RIMS2: variants seen among roughly 807,000 people sequenced by gnomAD.
RIMS2 encodes the protein regulating synaptic membrane exocytosis protein 2.
RIMS2 carries 59 observed loss-of-function variants against 174.4 expected under a neutral mutation model. The observed-to-expected ratio is 0.34, with a 90% CI of 0.27 to 0.42. The LOEUF (loss-of-function observed/expected upper bound fraction) is 0.42. Ranked by LOEUF, RIMS2 falls within the 10% of genes least tolerant of loss-of-function variation. The pLI is 1.00. For synonymous variants in RIMS2, 606 were observed against 572.5 expected (o/e 1.06, Z -0.84); for missense variants, 1,620 against 1,666.3 (o/e 0.97, Z 0.48).
chr8:103,500,658 G>C (rs940137416), upstream of RIMS2: 11 of 487,712 alleles, frequency 2.3e-5, no homozygotes, highest in Non-Finnish European at 3.6e-5. Context: ...TCGCCCCCGG[G>C]AAGAAGAAAC....
intron 3 of RIMS2, among the ~76,000 whole-genome samples, chr8:103,789,142 C>T (rs1313747638): frequency 3.9e-5 from 6 of 152,102 alleles, no homozygotes; most frequent in African/African-American, 4.8e-5. Flanking sequence ...GTGCACGGTG[C>T]GCGCACCCAC....
At chr8:103,959,428 A>AT (rs1230384970) in intron 14 of RIMS2, among the ~76,000 whole-genome samples, 3,921 of 147,074 alleles carry the variant, frequency 0.027, 140 homozygotes, top group African/African-American at 0.088. Flanking sequence ...TAAAAAAGTA[A>AT]TTTTTTTTTT....
chr8:103,651,237 C>T (rs181723906), intron 1 of RIMS2, among the ~76,000 whole-genome samples: 8 of 152,326 alleles, frequency 5.3e-5, no homozygotes, highest in African/African-American at 1.4e-4. Context: ...GGTGGGCTAT[C>T]GCCCTACCCT....
intron 2 of RIMS2, among the ~76,000 whole-genome samples, chr8:103,713,685 C>T (rs540309656): frequency 4.6e-5 from 7 of 152,274 alleles, no homozygotes; most frequent in Admixed American, 1.3e-4. Flanking sequence ...CCTTCAAATA[C>T]TGCTATAGTG....
intron 1 of RIMS2, among the ~76,000 whole-genome samples, chr8:103,613,086 G>T (rs947851066): frequency 6.6e-6 from 1 of 152,174 alleles, no homozygotes; most frequent in African/African-American, 2.4e-5. Flanking sequence ...TCTACAATTA[G>T]CAGATGGTAA....
At chr8:104,079,667 CAGAT>C (rs2097373345) in intron 19 of RIMS2, among the ~76,000 whole-genome samples, 1 of 105,136 alleles carries the variant, frequency 9.5e-6, no homozygotes, top group Non-Finnish European at 1.9e-5. Context: ...TGGAAAACAA[CAGAT>C]AGGTGAAAAC....
intron 2 of RIMS2, among the ~76,000 whole-genome samples, chr8:103,748,052 G>A (rs966270767): frequency 5.9e-5 from 9 of 152,072 alleles, no homozygotes; most frequent in Non-Finnish European, 1.3e-4. Flanking sequence ...AGCACATTTC[G>A]CAAAGGGAAG....
At position 104,189,332 on chromosome 8, in the gene RIMS2, T is replaced by C. The variant is rs563827168; in HGVS notation, c.3335-55584T>C. ...TCCACCACCTACAAACACAGGTCTC[T>C]GATAGAGAATAAATCATTAGCCCTT... On this transcript the variant is annotated intron_variant, in intron 19 of 23. Coordinates refer to ENST00000504942, the Ensembl canonical transcript of RIMS2. Among the ~76,000 whole-genome samples the C allele has an allele frequency of 2.8e-4, 42 of 152,010 alleles. No individual in the cohort carries two copies. The South Asian group carries it at 8.7e-3, about 31-fold the overall frequency.
intron 2 of RIMS2, among the ~76,000 whole-genome samples, chr8:103,710,267 A>G (rs1454935863): frequency 1.3e-5 from 2 of 152,182 alleles, no homozygotes; most frequent in Non-Finnish European, 2.9e-5. Context: ...TTCTCTTAGT[A>G]ATCTTTTAAG....
At chr8:103,567,844 T>C (rs1327690174) in intron 1 of RIMS2, among the ~76,000 whole-genome samples, 1 of 152,260 alleles carries the variant, frequency 6.6e-6, no homozygotes, top group Non-Finnish European at 1.5e-5. Flanking sequence ...TTTTTGGTTG[T>C]TTCCATCCTG....
At chr8:104,125,059 T>C (rs561333460) in intron 19 of RIMS2, among the ~76,000 whole-genome samples, 10 of 152,088 alleles carry the variant, frequency 6.6e-5, no homozygotes, top group African/African-American at 2.2e-4. Context: ...GAAAAGAGAA[T>C]CAGCGGTAGA....
At chr8:103,696,616 T>C (rs1352191963) in intron 1 of RIMS2, among the ~76,000 whole-genome samples, 1 of 151,976 alleles carries the variant, frequency 6.6e-6, no homozygotes, top group Non-Finnish European at 1.5e-5. Context: ...TCTGTAATCA[T>C]AGCACTTCAG....
chr8:103,836,491 T>G (rs1480073378), intron 3 of RIMS2, among the ~76,000 whole-genome samples: 4 of 151,982 alleles, frequency 2.6e-5, no homozygotes, highest in Non-Finnish European at 5.9e-5. Context: ...AGCCCAAGAG[T>G]TGAACGCTGC....
chr8:103,957,548 G>C (rs919242500), intron 14 of RIMS2, among the ~76,000 whole-genome samples: 2 of 152,146 alleles, frequency 1.3e-5, no homozygotes, highest in African/African-American at 4.8e-5. Flanking sequence ...ATAACTGGGA[G>C]TTAAACATTG....
At chr8:103,763,073 A>T (rs1247566218) in intron 2 of RIMS2, among the ~76,000 whole-genome samples, 2 of 152,168 alleles carry the variant, frequency 1.3e-5, no homozygotes, top group Non-Finnish European at 2.9e-5. Context: ...AGGATTAATA[A>T]ACTATTAATC....
At chr8:104,145,768 C>T (rs1441469704) in intron 19 of RIMS2, among the ~76,000 whole-genome samples, 1 of 151,796 alleles carries the variant, frequency 6.6e-6, no homozygotes, top group African/African-American at 2.4e-5. Context: ...GAGGCTGCGA[C>T]AGGAGAATCA....
chr8:103,593,699 A>G (rs2094362121), intron 1 of RIMS2, among the ~76,000 whole-genome samples: 3 of 151,450 alleles, frequency 2.0e-5, no homozygotes. Flanking sequence ...AAATAATATT[A>G]TTTTCTCAGT....
At chr8:103,837,930 C>A (rs183129808) in intron 3 of RIMS2, among the ~76,000 whole-genome samples, 1 of 144,354 alleles carries the variant, frequency 6.9e-6, no homozygotes, top group African/African-American at 2.6e-5. Context: ...TTTTCTTTTT[C>A]TTTCTTTCTC....
chr8:104,077,988 C>T (rs1201085723), intron 19 of RIMS2, among the ~76,000 whole-genome samples: 1 of 151,426 alleles, frequency 6.6e-6, no homozygotes, highest in Non-Finnish European at 1.5e-5. Context: ...ACTAAAAATA[C>T]CAAAAATTAC....
Sources: allele counts gnomAD v4.1 joint callset (sites outside exome capture counted in the v4.1 genomes callset), GRCh38; gene constraint gnomAD v4.1.1; transcripts MANE v1.5; gene names NCBI Gene and HGNC (gene_info 2026-07-23, HGNC 2026-07-21).